Variants in G2E3 observed in about 807,000 individuals in gnomAD.
G2E3 encodes the protein G2/M phase-specific E3 ubiquitin-protein ligase.
G2E3 carries 35 observed loss-of-function variants against 92.8 expected under a neutral mutation model. The observed-to-expected ratio is 0.38, with a 90% CI of 0.29 to 0.50. The LOEUF is 0.50. G2E3 is among the 20% of genes least tolerant of loss of function. The pLI is 0.94. For synonymous variants in G2E3, 242 were observed against 272.4 expected (o/e 0.89, Z 1.10); for missense variants, 554 against 823.8 (o/e 0.67, Z 4.01).
In G2E3 at chr14:30,598,505, G is replaced by A. The variant is rs762510067; in HGVS notation, c.658G>A (p.Glu220Lys). Residue 220 changes from glutamate to lysine, a missense_variant, in exon 8 of 15, where the codon GAA (glutamate) becomes AAA (lysine). By Grantham distance (56) the Glu-to-Lys change is moderately conservative (BLOSUM62 1). This residue lies in a region of G2E3 where 20 missense variants were observed against 62.3 expected (regional missense o/e 0.32). Transcript: ENST00000206595. The part of the protein sequence containing the change: ...PEKDASWELE[E>K]NAYQELLQHY... Reference sequence around the variant, plus strand: ...TAGAGATGCTTCCTGGGAATTAGAGGAAAACGCTTATCAAGAGCTTCTGCA... The same window carrying A: ...TAGAGATGCTTCCTGGGAATTAGAGAAAAACGCTTATCAAGAGCTTCTGCA... The A allele has an allele frequency of 6.2e-7, 1 of 1,611,318 alleles. No individual in the cohort carries two copies. The highest frequency in any genetic ancestry group is 1.3e-5 in the African/African-American group (1 of 74,892).
At position 30,615,286 on chromosome 14, in the gene G2E3, T is replaced by A. The variant is rs1202865376; in HGVS notation, c.1674-63T>A. On this transcript the variant is annotated intron_variant, in intron 13 of 14. Transcript: ENST00000206595. The stretch of plus-strand genomic sequence containing the variant: ...CATGCCAGATAAAATGCTGGAAATA[T>A]TCCCTAATATAATACCAAACACACA... 5 of 798,906 alleles carry A rather than the reference T, an allele frequency of 6.3e-6. No homozygotes were observed. The African/African-American group carries it at 8.8e-5, about 14-fold the overall frequency. The allele number at this position is 798,906 out of a possible 1,614,324, so 49.5% of individuals were successfully genotyped here.
At chr14:30,597,769 T>C (rs1294498433) in intron 7 of G2E3, among the ~76,000 whole-genome samples, 1 of 152,236 alleles carries the variant, frequency 6.6e-6, no homozygotes, top group Admixed American at 6.5e-5. Context: ...CCAATTTTAA[T>C]TGATTGACTT....
Position 30,598,391 on chromosome 14 carries a change from A to G in G2E3, c.636-92A>G, listed in dbSNP as rs573120958. On this transcript the variant is annotated intron_variant, in intron 7 of 14. Coordinates refer to ENST00000206595, the MANE Select transcript of G2E3 (RefSeq NM_017769.5). The stretch of plus-strand genomic sequence containing the variant: ...GAAAGAGCAAGACTGCGTCTCAAGA[A>G]CAAAAAAAGGTTTTTATTTTTAGAT... The G allele has an allele frequency of 2.0e-5, 18 of 878,462 alleles. No homozygotes were observed. The Admixed American group carries it at 3.3e-4, about 16-fold the overall frequency. The allele number at this position is 878,462 out of a possible 1,614,324, so 54.4% of individuals were successfully genotyped here.
intron 2 of G2E3, among the ~76,000 whole-genome samples, chr14:30,583,501 C>G (rs1330453635): frequency 6.6e-6 from 1 of 152,132 alleles, no homozygotes; most frequent in African/African-American, 2.4e-5. Flanking sequence ...CGGTATAGTG[C>G]TGGTTACCAG....
At chr14:30,614,591 A>G (rs1400566805) in intron 13 of G2E3, among the ~76,000 whole-genome samples, 1 of 152,228 alleles carries the variant, frequency 6.6e-6, no homozygotes, top group East Asian at 1.9e-4. Flanking sequence ...TGGCCATTAA[A>G]TTTCAACATG....
intron 1 of G2E3, among the ~76,000 whole-genome samples, chr14:30,575,257 C>G (rs981098674): frequency 2.0e-5 from 3 of 152,118 alleles, no homozygotes; most frequent in Admixed American, 6.6e-5. Flanking sequence ...CCTTTGGCCA[C>G]TTTTTAATGG....
At chr14:30,602,171 T>C in intron 10 of G2E3, 40 bp downstream of exon 10, 1 of 1,479,964 alleles carries the variant, frequency 6.8e-7, no homozygotes, top group East Asian at 2.3e-5. Flanking sequence ...AAAATCTATT[T>C]GGAGAAAATT....
At chr14:30,594,552 G>A (rs1181857661) in intron 6 of G2E3, among the ~76,000 whole-genome samples, 2 of 151,928 alleles carry the variant, frequency 1.3e-5, no homozygotes, top group South Asian at 2.1e-4. Context: ...AATTAGCCGG[G>A]CATGGTGGCG....
intron 1 of G2E3, among the ~76,000 whole-genome samples, chr14:30,562,090 A>G (rs1879135091): frequency 6.6e-6 from 1 of 152,166 alleles, no homozygotes; most frequent in Admixed American, 6.5e-5. Flanking sequence ...TATTATCTCT[A>G]TATTAAGATG....
chr14:30,572,621 T>A (rs888458505), intron 1 of G2E3, among the ~76,000 whole-genome samples: 12 of 152,302 alleles, frequency 7.9e-5, no homozygotes, highest in African/African-American at 2.6e-4. Flanking sequence ...TGGTCATACT[T>A]TTTTCACCCC....
At chr14:30,584,152 T>A (rs905411059) in intron 2 of G2E3, among the ~76,000 whole-genome samples, 7 of 152,242 alleles carry the variant, frequency 4.6e-5, no homozygotes, top group African/African-American at 1.7e-4. Context: ...GTTTGACTTC[T>A]TTCACTTAAC....
intron 1 of G2E3, among the ~76,000 whole-genome samples, chr14:30,564,582 C>T (rs1029798094): frequency 3.3e-5 from 5 of 152,246 alleles, no homozygotes; most frequent in African/African-American, 1.2e-4. Context: ...GATCCTTCCA[C>T]CTCAGCCTCC....
intron 4 of G2E3, among the ~76,000 whole-genome samples, chr14:30,591,470 T>TCA (rs1881007367): frequency 1.3e-5 from 2 of 152,170 alleles, no homozygotes; most frequent in Admixed American, 1.3e-4. Flanking sequence ...ATTTATTCTC[T>TCA]CACCATTCTG....
In G2E3 at chr14:30,612,194, T is replaced by TC; in HGVS notation, c.1501-11dup. ...AAATGAGTAAAGTGGCTGTATTTTC[T>TC]CCTTCATTACAGATAAATACTGCAA... On this transcript the variant is annotated splice_polypyrimidine_tract_variant and intron_variant, in intron 12 of 14. Coordinates refer to ENST00000206595, the MANE Select transcript of G2E3 (RefSeq NM_017769.5). The TC allele has an allele frequency of 1.9e-6, 3 of 1,586,442 alleles. No individual in the cohort carries two copies. In the South Asian group the frequency reaches 3.4e-5, roughly 18 times the overall value.
At chr14:30,591,298 C>T (rs1022945276) in intron 4 of G2E3, among the ~76,000 whole-genome samples, 2 of 152,078 alleles carry the variant, frequency 1.3e-5, no homozygotes, top group African/African-American at 4.8e-5. Flanking sequence ...TAATTGCCGT[C>T]TTAAGGGTTC....
intron 1 of G2E3, among the ~76,000 whole-genome samples, chr14:30,578,772 C>T (rs1159401129): frequency 6.6e-6 from 1 of 152,188 alleles, no homozygotes; most frequent in Non-Finnish European, 1.5e-5. Context: ...AGAGGTTGAA[C>T]TGTAGAGAAG....
chr14:30,579,995 T>C (rs558492125), intron 1 of G2E3, among the ~76,000 whole-genome samples: 3 of 152,304 alleles, frequency 2.0e-5, no homozygotes, highest in African/African-American at 7.2e-5. Flanking sequence ...AAAAGTTATA[T>C]TTCAGTAATG....
At chr14:30,596,131 T>TATGC (rs1347362476) in intron 6 of G2E3, among the ~76,000 whole-genome samples, 1 of 68,466 alleles carries the variant, frequency 1.5e-5, no homozygotes, top group African/African-American at 6.6e-5. Context: ...GGTGGGTGGG[T>TATGC]GTGCGTGTGT....
At chr14:30,587,125 T>C (rs1880753340) in intron 3 of G2E3, among the ~76,000 whole-genome samples, 1 of 152,196 alleles carries the variant, frequency 6.6e-6, no homozygotes, top group Non-Finnish European at 1.5e-5. Context: ...TTTACCACTT[T>C]CTTATTTCAT....
Sources: allele counts gnomAD v4.1 joint callset (sites outside exome capture counted in the v4.1 genomes callset), GRCh38; gene constraint gnomAD v4.1.1; regional missense constraint gnomAD v4.1.1; transcripts MANE v1.5; gene names NCBI Gene and HGNC (gene_info 2026-07-23, HGNC 2026-07-21).